DNAAF11: variants seen among roughly 807,000 people sequenced by gnomAD.
The protein encoded by DNAAF11 is leucine rich repeat containing 6.
DNAAF11 carries 45 observed loss-of-function variants against 60.8 expected under a neutral mutation model. The observed-to-expected ratio is 0.74, with a 90% confidence interval of 0.58 to 0.95. The LOEUF (loss-of-function observed/expected upper bound fraction) is 0.95, where lower values mean the gene tolerates loss of function less well. DNAAF11 is among the 40% of genes least tolerant of loss of function. The pLI, the probability that DNAAF11 is intolerant of heterozygous loss-of-function variation, is 0.00. For synonymous variants in DNAAF11, 191 were observed against 183.5 expected, an observed-to-expected ratio of 1.04 and a Z score of -0.33; for missense variants, 546 against 546.2, an observed-to-expected ratio of 1.00 and a Z score of 0.00.
At chr8:132,669,827 A>G (rs1825001485) in intron 1 of DNAAF11, among the ~76,000 whole-genome samples, 1 of 152,048 alleles carries the variant, frequency 6.6e-6, no homozygotes, top group Non-Finnish European at 1.5e-5. Flanking sequence ...CAGAGTTAAA[A>G]ATTACAAGGA....
At chr8:132,689,621 A>G in the DNAAF11 span, among the ~76,000 whole-genome samples, 2 of 152,210 alleles carry the variant, frequency 1.3e-5, no homozygotes, top group Non-Finnish European at 2.9e-5. Context: ...TTAAAAAATT[A>G]AAATATACTA....
chr8:132,664,816 C>T (rs945816040), intron 1 of DNAAF11, among the ~76,000 whole-genome samples: 11 of 152,016 alleles, frequency 7.2e-5, no homozygotes, highest in African/African-American at 2.2e-4. Context: ...TCACTTCATG[C>T]AACTGTCAAA....
At chr8:132,672,726 CTAT>C (rs1323859039) in intron 1 of DNAAF11, among the ~76,000 whole-genome samples, 1 of 152,126 alleles carries the variant, frequency 6.6e-6, no homozygotes, top group African/African-American at 2.4e-5. Context: ...TGTGAGTGAG[CTAT>C]TATTATCATC....
the DNAAF11 span, among the ~76,000 whole-genome samples, chr8:132,682,946 C>G: frequency 6.6e-6 from 1 of 152,136 alleles, no homozygotes; most frequent in African/African-American, 2.4e-5. Flanking sequence ...TAAGAATTCA[C>G]TCACCCCCAA....
intron 1 of DNAAF11, among the ~76,000 whole-genome samples, chr8:132,671,233 T>C (rs1459421193): frequency 6.6e-6 from 1 of 152,152 alleles, no homozygotes; most frequent in Non-Finnish European, 1.5e-5. Flanking sequence ...GATTGCAGAA[T>C]ATAAGATCTA....
chr8:132,600,253 C>G (rs1052581242), intron 10 of DNAAF11, among the ~76,000 whole-genome samples: 2 of 152,130 alleles, frequency 1.3e-5, no homozygotes, highest in Non-Finnish European at 1.5e-5. Flanking sequence ...CTACAAACCA[C>G]TGCTCAACAA....
intron 2 of DNAAF11, among the ~76,000 whole-genome samples, chr8:132,658,388 T>C (rs1470471545): frequency 6.6e-6 from 1 of 152,148 alleles, no homozygotes; most frequent in Non-Finnish European, 1.5e-5. Flanking sequence ...AGTGGCCCAA[T>C]CTCAGCTCAC....
At chr8:132,695,269 G>A in the DNAAF11 span, among the ~76,000 whole-genome samples, 7 of 152,252 alleles carry the variant, frequency 4.6e-5, no homozygotes, top group East Asian at 1.9e-4. Context: ...TCTAAGCAAC[G>A]AAGAATCAAA....
At chr8:132,577,191 T>TG (rs897988233) in intron 11 of DNAAF11, among the ~76,000 whole-genome samples, 2 of 152,028 alleles carry the variant, frequency 1.3e-5, no homozygotes, top group African/African-American at 4.8e-5. Context: ...TTCCTTCTTA[T>TG]GGGGGGTGCC....
chr8:132,667,307 T>C (rs183872883), intron 1 of DNAAF11, among the ~76,000 whole-genome samples: 2 of 152,350 alleles, frequency 1.3e-5, no homozygotes, highest in Non-Finnish European at 2.9e-5. Context: ...AATGTTAGCA[T>C]TACTTCTTAA....
At chr8:132,641,782 G>A (rs1203946210) in intron 3 of DNAAF11, among the ~76,000 whole-genome samples, 1 of 152,104 alleles carries the variant, frequency 6.6e-6, no homozygotes, top group Non-Finnish European at 1.5e-5. Flanking sequence ...AAATAAATAA[G>A]CACATGTAGG....
At chr8:132,683,518 G>T in the DNAAF11 span, among the ~76,000 whole-genome samples, 1 of 151,974 alleles carries the variant, frequency 6.6e-6, no homozygotes, top group East Asian at 1.9e-4. Flanking sequence ...TGGTCTTCTG[G>T]CCTGTTTTCT....
At chr8:132,677,876 A>G (rs980552877), upstream of DNAAF11, among the ~76,000 whole-genome samples, 1 of 152,172 alleles carries the variant, frequency 6.6e-6, no homozygotes, top group Non-Finnish European at 1.5e-5. Context: ...GAAAAGGTGA[A>G]AAGGGGTGAA....
chr8:132,595,586 AAAAT>A (rs1302570191), intron 10 of DNAAF11, among the ~76,000 whole-genome samples: 2 of 152,176 alleles, frequency 1.3e-5, no homozygotes, highest in South Asian at 2.1e-4. Context: ...TTCTTTAAAA[AAAAT>A]AAATAACAAC....
At chr8:132,650,741 AG>A (rs1208607257) in intron 3 of DNAAF11, among the ~76,000 whole-genome samples, 5 of 152,182 alleles carry the variant, frequency 3.3e-5, no homozygotes, top group African/African-American at 1.2e-4. Context: ...GACTTAAGAT[AG>A]GTTAGGTGGC....
intron 6 of DNAAF11, 124 bp downstream of exon 6, chr8:132,625,148 A>G (rs940229691): frequency 2.0e-5 from 13 of 652,130 alleles, no homozygotes; most frequent in Non-Finnish European, 2.9e-5. Flanking sequence ...TATACTTAGA[A>G]AAAACAAAAT....
the DNAAF11 span, among the ~76,000 whole-genome samples, chr8:132,695,586 G>C: frequency 6.6e-6 from 1 of 152,142 alleles, no homozygotes; most frequent in African/African-American, 2.4e-5. Context: ...AATGAGACTG[G>C]GCGAGGAGGT....
chr8:132,583,030 G>A (rs1295164952), intron 11 of DNAAF11, among the ~76,000 whole-genome samples: 1 of 152,140 alleles, frequency 6.6e-6, no homozygotes, highest in African/African-American at 2.4e-5. Context: ...CTTCATTTAG[G>A]AATCAAAGAG....
At chr8:132,663,241 G>T (rs1308901679) in intron 1 of DNAAF11, among the ~76,000 whole-genome samples, 1 of 152,242 alleles carries the variant, frequency 6.6e-6, no homozygotes, top group East Asian at 1.9e-4. Context: ...TTCCAATAAT[G>T]GTTTGTGAAC....
Sources: gnomAD v4.1 joint callset for allele counts (sites outside exome capture counted in the v4.1 genomes callset) on GRCh38, gnomAD v4.1.1 for gene constraint, MANE v1.5 for transcripts, NCBI Gene and HGNC (gene_info 2026-07-23, HGNC 2026-07-21) for gene names.